The following PRSS23 variants were observed in gnomAD, a reference collection of about 807,000 sequenced individuals.
PRSS23 encodes protease, serine 23.
Under a neutral mutation model 34.7 loss-of-function variants are expected in PRSS23, and 25 were observed. The observed-to-expected ratio is 0.72, with a 90% CI of 0.53 to 1.01. The LOEUF is 1.01. Ranked by LOEUF, PRSS23 falls within the 50% of genes least tolerant of loss-of-function variation. The pLI is 0.00. For missense variants in PRSS23, 445 were observed against 475.6 expected, an observed-to-expected ratio of 0.94 and a Z score of 0.60; for synonymous variants, 176 against 186.6, an observed-to-expected ratio of 0.94 and a Z score of 0.46.
At chr11:86,870,355 G>A (rs569480874) in intron 2 of PRSS23, among the ~76,000 whole-genome samples, 83 of 152,188 alleles carry the variant, frequency 5.5e-4, no homozygotes, top group Admixed American at 9.8e-4. Context: ...GTTGGATCTG[G>A]ATAGAAATAG....
chr11:86,899,555 C>T lies in PRSS23; in HGVS notation c.207-51661C>T, dbSNP rs1213656111. ...TTTGAGACAGAGTCTCGCTCTGTCACCCAGGCTGGCGTGCAGTGGCACGAT... is the reference window on the plus strand; with the variant it reads ...TTTGAGACAGAGTCTCGCTCTGTCATCCAGGCTGGCGTGCAGTGGCACGAT... On this transcript the variant is annotated intron_variant, in intron 2 of 2. Transcript: ENST00000533902. Among the ~76,000 whole-genome samples, 4 of 151,680 alleles carry T rather than the reference C, an allele frequency of 2.6e-5. No individual in the cohort carries two copies. The East Asian group carries it at 7.8e-4, about 30-fold the overall frequency.
intron 2 of PRSS23, among the ~76,000 whole-genome samples, chr11:86,916,597 A>G (rs370522878): frequency 6.6e-6 from 1 of 152,236 alleles, no homozygotes. Context: ...TAGTGGAAAG[A>G]GAGAAAAACA....
At position 86,951,578 on chromosome 11, in the gene PRSS23, G is replaced by A. The variant is rs1949292866; in HGVS notation, c.*293G>A. On this transcript the variant is annotated 3_prime_UTR_variant, in exon 3 of 3. Coordinates refer to the PRSS23 transcript ENST00000533902. The stretch of plus-strand genomic sequence containing the variant: ...AATGACCAAATAAGTAAAGAGGGGA[G>A]CCACCACGAACCCGGTGAGGGCATC... 3 of 1,613,956 alleles carry A rather than the reference G, an allele frequency of 1.9e-6. No homozygotes were observed. The highest frequency in any genetic ancestry group is 2.7e-5 in the African/African-American group (2 of 74,916).
At chr11:86,946,286 C>T (rs1294391928) in intron 2 of PRSS23, 1 of 152,100 alleles carries the variant, frequency 6.6e-6, no homozygotes. Flanking sequence ...GGCTCTTGCC[C>T]CTCTTTTCAG....
chr11:86,843,676 C>G (rs1396970009), intron 2 of PRSS23, among the ~76,000 whole-genome samples: 1 of 152,216 alleles, frequency 6.6e-6, no homozygotes, highest in East Asian at 1.9e-4. Flanking sequence ...AGCTCATCAT[C>G]ACTTGTCATC....
chr11:86,834,710 C>T (rs934759927), intron 2 of PRSS23, among the ~76,000 whole-genome samples: 11 of 152,042 alleles, frequency 7.2e-5, no homozygotes, highest in Admixed American at 2.6e-4. Flanking sequence ...GGTGTTCCCT[C>T]GGAAGTTAGG....
At chr11:86,922,456 C>A (rs2135004664) in intron 2 of PRSS23, among the ~76,000 whole-genome samples, 1 of 151,346 alleles carries the variant, frequency 6.6e-6, no homozygotes, top group African/African-American at 2.4e-5. Context: ...GGCAACATAG[C>A]AAGACCCCAT....
upstream of PRSS23, chr11:86,800,276 G>A (rs1404340409): frequency 5.2e-6 from 1 of 192,120 alleles, no homozygotes; most frequent in Non-Finnish European, 9.5e-6. Flanking sequence ...CAGAGCCGGT[G>A]CTGCCTGGCG....
intron 2 of PRSS23, among the ~76,000 whole-genome samples, chr11:86,896,833 T>C (rs1055973026): frequency 6.6e-6 from 1 of 152,260 alleles, no homozygotes; most frequent in African/African-American, 2.4e-5. Context: ...CATAACATGC[T>C]AACACTTTCC....
intron 2 of PRSS23, among the ~76,000 whole-genome samples, chr11:86,900,560 A>G (rs774730009): frequency 3.3e-5 from 5 of 152,152 alleles, no homozygotes; most frequent in South Asian, 4.1e-4. Context: ...AGGGCCCTGC[A>G]TGGTCTGGCT....
At chr11:86,869,384 A>G (rs569955899) in intron 2 of PRSS23, among the ~76,000 whole-genome samples, 178 of 152,326 alleles carry the variant, frequency 1.2e-3, no homozygotes, top group Non-Finnish European at 1.7e-3. Context: ...TCAAACATCA[A>G]CTGGGCACCT....
rs1351089313 is a variant in PRSS23 at position 86,811,181 on chromosome 11, G to A, written c.*2386G>A. ...GCTCTGGGAAGACCTGTTGTAAAGGGACAAGTTGAGGTTGTAAAATCTGCA... is the reference window on the plus strand; with the variant it reads ...GCTCTGGGAAGACCTGTTGTAAAGGAACAAGTTGAGGTTGTAAAATCTGCA... On this transcript the variant is annotated 3_prime_UTR_variant, in exon 2 of 2. Transcript: ENST00000280258. The A allele has an allele frequency of 1.2e-5, 2 of 167,066 alleles. No homozygotes were observed. Among genetic ancestry groups the A allele is most frequent in the Non-Finnish European group, 2.9e-5 (2 of 68,114 alleles). The allele number at this position is 167,066 out of a possible 1,614,324, so 10.3% of individuals were successfully genotyped here. A position where few individuals can be genotyped will look rare whatever the true frequency, so the allele number is the denominator to read the frequency against.
At chr11:86,825,713 C>A (rs1948294696) in intron 2 of PRSS23, among the ~76,000 whole-genome samples, 1 of 152,026 alleles carries the variant, frequency 6.6e-6, no homozygotes, top group African/African-American at 2.4e-5. Flanking sequence ...AGCCAGTTTT[C>A]CCAGCACCAT....
At chr11:86,860,961 G>A (rs1948608972) in intron 2 of PRSS23, among the ~76,000 whole-genome samples, 1 of 151,744 alleles carries the variant, frequency 6.6e-6, no homozygotes, top group Admixed American at 6.6e-5. Flanking sequence ...ATAGAAGGGG[G>A]AAGTACACCC....
Position 86,842,775 on chromosome 11 carries a change from C to T in PRSS23, c.206+19182C>T, listed in dbSNP as rs577007152. ...CACTGCTCAACGAAATAAAAGAGGA[C>T]GCCAAGAAACGGAAGAACATTCCAT... On this transcript the variant is annotated intron_variant, in intron 2 of 2. Transcript: ENST00000533902. Among the ~76,000 whole-genome samples the T allele has an allele frequency of 1.7e-4, 26 of 152,178 alleles. 1 individual carries two copies. The highest frequency in any genetic ancestry group is 4.3e-4 in the African/African-American group (18 of 41,508).
chr11:86,926,105 G>A (rs184653190), intron 2 of PRSS23, among the ~76,000 whole-genome samples: 22 of 152,314 alleles, frequency 1.4e-4, no homozygotes, highest in East Asian at 1.3e-3. Flanking sequence ...GCTCACACCT[G>A]TAATCCCAGC....
intron 2 of PRSS23, among the ~76,000 whole-genome samples, chr11:86,835,863 TA>T (rs1400278223): frequency 1.3e-5 from 2 of 152,080 alleles, no homozygotes; most frequent in Non-Finnish European, 2.9e-5. Context: ...CAGCTAAAAG[TA>T]AATCATCCAC....
chr11:86,872,437 T>C (rs1948691330), intron 2 of PRSS23, among the ~76,000 whole-genome samples: 1 of 152,188 alleles, frequency 6.6e-6, no homozygotes, highest in African/African-American at 2.4e-5. Flanking sequence ...TCCAACATTC[T>C]CTTATTTGGG....
intron 2 of PRSS23, among the ~76,000 whole-genome samples, chr11:86,840,398 A>G (rs1948438674): frequency 6.6e-6 from 1 of 152,246 alleles, no homozygotes; most frequent in African/African-American, 2.4e-5. Flanking sequence ...AAAGGGATCA[A>G]TTAAACAAGA....
Sources: gnomAD v4.1 joint callset for allele counts (sites outside exome capture counted in the v4.1 genomes callset) on GRCh38, gnomAD v4.1.1 for gene constraint, MANE v1.5 for transcripts, NCBI Gene and HGNC (gene_info 2026-07-23, HGNC 2026-07-21) for gene names.